The following HNF1B variants were observed in gnomAD, a reference collection of about 807,000 sequenced individuals.
HNF1B encodes the protein HNF1 homeobox B.
Under a neutral mutation model 61.7 loss-of-function variants are expected in HNF1B, and 8 were observed. That is an observed-to-expected ratio of 0.13 (90% CI 0.08 to 0.23). The LOEUF (loss-of-function observed/expected upper bound fraction) is 0.23, where lower values mean the gene tolerates loss of function less well. Ranked by LOEUF, HNF1B falls within the 10% of genes least tolerant of loss-of-function variation. The pLI is 1.00. For missense variants in HNF1B, 562 were observed against 714.5 expected (o/e 0.79, Z 2.43); for synonymous variants, 314 against 287.7 (o/e 1.09, Z -0.93).
In HNF1B at chr17:37,739,764, C is replaced by T; in HGVS notation, c.345-125G>A. The T allele has an allele frequency of 3.2e-6, 3 of 939,126 alleles. No homozygotes were observed. The Admixed American group carries it at 6.0e-5, about 19-fold the overall frequency. 58.2% of individuals were successfully genotyped at this position (939,126 alleles called of 1,614,324 possible). ...AATTTTCCCCCCATCTAAGCTACAA[C>T]TTTGGGGTAGACATGAGGCCAAAAT... On this transcript the variant is annotated intron_variant, in intron 1 of 8. Transcript: ENST00000617811.
At chr17:37,722,264 C>T (rs2033342085) in intron 4 of HNF1B, among the ~76,000 whole-genome samples, 1 of 152,244 alleles carries the variant, frequency 6.6e-6, no homozygotes, top group Non-Finnish European at 1.5e-5. Flanking sequence ...TCTCAACACC[C>T]TGAAGTTTCT....
chr17:37,723,816 G>A (rs760148239), intron 4 of HNF1B, among the ~76,000 whole-genome samples: 2 of 152,288 alleles, frequency 1.3e-5, no homozygotes, highest in Non-Finnish European at 2.9e-5. Context: ...TGAGAATCTG[G>A]TATGTCTGGA....
chr17:37,725,358 G>A (rs892663041), intron 4 of HNF1B, among the ~76,000 whole-genome samples: 17 of 152,146 alleles, frequency 1.1e-4, no homozygotes, highest in African/African-American at 3.6e-4. Context: ...GGAGCCCCAC[G>A]AGCACAGCAG....
chr17:37,690,915 A>T (rs2032179922), intron 8 of HNF1B, among the ~76,000 whole-genome samples: 1 of 152,196 alleles, frequency 6.6e-6, no homozygotes, highest in African/African-American at 2.4e-5. Flanking sequence ...TGTACACTTG[A>T]CCTAAAGCCA....
At chr17:37,689,976 GAAT>G (rs2032137475) in intron 8 of HNF1B, among the ~76,000 whole-genome samples, 1 of 148,740 alleles carries the variant, frequency 6.7e-6, no homozygotes, top group South Asian at 2.1e-4. Context: ...TGAAGGCTTT[GAAT>G]AATAAACAAG....
rs187340438 is a variant in HNF1B, at chr17:37,733,463, G to A, written c.809+94C>T. On this transcript the variant is annotated intron_variant, in intron 3 of 8. Transcript: ENST00000617811. ...AGCTCTGATTTAGCCACACTTATCT[G>A]TATAACTAGTGTCTCAATATCCCAG... 4.3e-6 allele frequency: 6 copies of A among 1,396,030 alleles called. No individual in the cohort carries two copies. In the East Asian group the frequency reaches 6.8e-5, roughly 16 times the overall value. The allele number at this position is 1,396,030 out of a possible 1,614,324, so 86.5% of individuals were successfully genotyped here.
At chr17:37,732,070 C>A (rs1379032612) in intron 3 of HNF1B, among the ~76,000 whole-genome samples, 1 of 152,118 alleles carries the variant, frequency 6.6e-6, no homozygotes, top group Non-Finnish European at 1.5e-5. Context: ...CCCTGGGAGT[C>A]AGGGGCTTAG....
chr17:37,709,018 C>T (rs2032844794), intron 5 of HNF1B, among the ~76,000 whole-genome samples: 1 of 152,088 alleles, frequency 6.6e-6, no homozygotes, highest in African/African-American at 2.4e-5. Flanking sequence ...CCATCCTGGC[C>T]CCCACTCTGG....
chr17:37,695,508 G>C (rs893394195), intron 8 of HNF1B, among the ~76,000 whole-genome samples: 7 of 152,214 alleles, frequency 4.6e-5, no homozygotes, highest in African/African-American at 1.7e-4. Flanking sequence ...CCAGGATACT[G>C]CCTAATGGAG....
intron 4 of HNF1B, among the ~76,000 whole-genome samples, chr17:37,722,132 G>C (rs1334727932): frequency 2.6e-5 from 4 of 152,172 alleles, no homozygotes; most frequent in African/African-American, 9.7e-5. Flanking sequence ...CCAATACTTA[G>C]TTCATTGTTT....
chr17:37,710,808 T>A (rs1357867474), intron 4 of HNF1B, 145 bp from the exon 5 acceptor site: 1 of 796,184 alleles, frequency 1.3e-6, no homozygotes, highest in Non-Finnish European at 2.1e-6. Context: ...AAATATCGGC[T>A]GCTTTTCTCC....
intron 7 of HNF1B, among the ~76,000 whole-genome samples, chr17:37,699,971 A>AT (rs911982987): frequency 6.6e-5 from 10 of 152,132 alleles, no homozygotes; most frequent in Non-Finnish European, 1.3e-4. Context: ...AATCTTTATA[A>AT]TTTTTTATGC....
Position 37,733,701 on chromosome 17 carries a change from G to A in HNF1B, c.665C>T (p.Ala222Val). Residue 222 changes from alanine to valine, a missense_variant, in exon 3 of 9, where the codon GCC (alanine) becomes GTC (valine). By Grantham distance (64) the Ala-to-Val change is moderately conservative (BLOSUM62 0). Around this residue, in one of 6 missense-constraint regions of HNF1B, gnomAD observed 69 missense variants for 81.2 expected, o/e 0.85. Transcript: ENST00000617811. ...CTTCTTGTTGGTGGGCTCAGAGCAG[G>A]CATCATCGGACTGCCCAGGCCCATG... ...QSHGPGQSDDACSEPTNKKMR... is the reference protein window; with the variant it reads ...QSHGPGQSDDVCSEPTNKKMR... The A allele has an allele frequency of 6.2e-7, 1 of 1,614,190 alleles. No individual in the cohort carries two copies. The highest frequency in any genetic ancestry group is 8.5e-7 in the Non-Finnish European group (1 of 1,180,030).
At chr17:37,714,971 A>G (rs11649743) in intron 4 of HNF1B, among the ~76,000 whole-genome samples, 128,301 of 151,976 alleles carry the variant, frequency 0.84, 54,459 homozygotes, top group African/African-American at 0.93. Flanking sequence ...TTTGTGATTC[A>G]TCTGTTTTAT....
Position 37,737,495 on chromosome 17 carries a change from G to A in HNF1B, c.544+1945C>T, listed in dbSNP as rs111698965. On this transcript the variant is annotated intron_variant, in intron 2 of 8. Coordinates refer to ENST00000617811, the MANE Select transcript of HNF1B (RefSeq NM_000458.4). ...GCCTGTATAATAGTTACAGAAGGAA[G>A]GAATGTTTCTTAAGCTTTTATGTCT... is the stretch of plus-strand genomic sequence containing the variant. 2.0e-5 allele frequency among the ~76,000 whole-genome samples: 3 copies of A among 152,264 alleles called. 1 individual carries two copies. The highest frequency in any genetic ancestry group is 7.2e-5 in the African/African-American group (3 of 41,548).
intron 4 of HNF1B, among the ~76,000 whole-genome samples, chr17:37,728,115 C>T (rs188929919): frequency 1.2e-4 from 18 of 152,234 alleles, no homozygotes; most frequent in Admixed American, 2.6e-4. Flanking sequence ...GATTCTCCTG[C>T]CTCAGCCTCC....
At chr17:37,727,454 C>G (rs1474629104) in intron 4 of HNF1B, among the ~76,000 whole-genome samples, 1 of 152,200 alleles carries the variant, frequency 6.6e-6, no homozygotes, top group Non-Finnish European at 1.5e-5. Flanking sequence ...AAGATGAAGG[C>G]CCAGCAGCGG....
chr17:37,742,910 TCTC>T (rs2034040293), intron 1 of HNF1B, among the ~76,000 whole-genome samples: 1 of 151,262 alleles, frequency 6.6e-6, no homozygotes, highest in African/African-American at 2.4e-5. Flanking sequence ...CGCGTTTTGA[TCTC>T]CTTCCCCCCT....
At chr17:37,689,658 G>A (rs963738798) in intron 8 of HNF1B, among the ~76,000 whole-genome samples, 26 of 152,218 alleles carry the variant, frequency 1.7e-4, no homozygotes, top group African/African-American at 5.8e-4. Flanking sequence ...CTGAGAGACC[G>A]CGGGGCCCTC....
Sources: allele counts gnomAD v4.1 joint callset (sites outside exome capture counted in the v4.1 genomes callset), GRCh38; gene constraint gnomAD v4.1.1; regional missense constraint gnomAD v4.1.1; transcripts MANE v1.5; gene names NCBI Gene and HGNC (gene_info 2026-07-23, HGNC 2026-07-21).